Variants in GRK5 observed in about 807,000 individuals in gnomAD.
GRK5 encodes g protein-coupled receptor kinase GRK5.
In GRK5, 40 loss-of-function variants were observed where a neutral mutation model predicts 78.4. The ratio of observed to expected loss-of-function variants is 0.51; its 90% confidence interval spans 0.40 to 0.66. The LOEUF is 0.66. GRK5 is among the 30% of genes least tolerant of loss of function. The pLI, the probability that GRK5 is intolerant of heterozygous loss-of-function variation, is 0.00. For missense variants in GRK5, 598 were observed against 759.9 expected (o/e 0.79, Z 2.50); for synonymous variants, 289 against 296.8 (o/e 0.97, Z 0.27).
At chr10:119,376,007 C>G (rs959554922) in intron 2 of GRK5, among the ~76,000 whole-genome samples, 3 of 152,222 alleles carry the variant, frequency 2.0e-5, no homozygotes, top group Non-Finnish European at 2.9e-5. Context: ...CATTTTTGCT[C>G]TAAATTATTG....
In GRK5 at chr10:119,350,261, T is replaced by A. The variant is rs571672737; in HGVS notation, c.148+23650T>A. Among the ~76,000 whole-genome samples the A allele has an allele frequency of 3.9e-5, 6 of 152,298 alleles. No homozygotes were observed. In the South Asian group the frequency reaches 1.2e-3, roughly 32 times the overall value. On this transcript the variant is annotated intron_variant, in intron 2 of 15. Transcript: ENST00000392870. ...CCCAAGCAGCTACCGCCTACACCTG[T>A]CTTATTTTTTCAGTGCGGCATTTAG... is the stretch of plus-strand genomic sequence containing the variant.
intron 4 of GRK5, among the ~76,000 whole-genome samples, chr10:119,417,078 G>A (rs551171390): frequency 2.9e-4 from 44 of 152,222 alleles, no homozygotes; most frequent in Non-Finnish European, 6.0e-4. Flanking sequence ...CCTTGTGGAC[G>A]GCCTGCTTCA....
rs1415187098 is a variant in GRK5, at chr10:119,207,985, G to C, written c.52+16G>C. 1 of 1,600,682 alleles carries C rather than the reference G, an allele frequency of 6.2e-7. No homozygotes were observed. Among genetic ancestry groups the C allele is most frequent in the Non-Finnish European group, 8.5e-7 (1 of 1,174,744 alleles). ...GCCAGGGAAGGTAAGAGGCAGGGCC[G>C]GTACGTGCCCGGCGCGTCCGCCGCG... is the stretch of plus-strand genomic sequence containing the variant. On this transcript the variant is annotated intron_variant, in intron 1 of 15. Transcript: ENST00000392870.
rs774720604 is a variant in GRK5, at chr10:119,452,687, G to A, written c.1421G>A (p.Cys474Tyr). Residue 474 changes from cysteine to tyrosine, a missense_variant, in exon 14 of 16, where the codon TGT becomes TAT. Coordinates refer to ENST00000392870, the MANE Select transcript of GRK5 (RefSeq NM_005308.3). This position sits in a 1 kb window ranked among gnomAD's most constrained non-coding sequence, Gnocchi z 4.4. ...PFVPDPRAVY[C>Y]KDVLDIEQFS... Reference sequence around the variant, plus strand: ...CCCTGGCAGCCCCGCGCTGTGTACTGTAAGGACGTGCTGGACATCGAGCAG... The same window carrying A: ...CCCTGGCAGCCCCGCGCTGTGTACTATAAGGACGTGCTGGACATCGAGCAG... The A allele has an allele frequency of 1.2e-6, 2 of 1,614,122 alleles. No homozygotes were observed. Among genetic ancestry groups the A allele is most frequent in the South Asian group, 2.2e-5 (2 of 91,086 alleles).
At chr10:119,416,731 C>T (rs1281566511) in intron 4 of GRK5, among the ~76,000 whole-genome samples, 1 of 152,112 alleles carries the variant, frequency 6.6e-6, no homozygotes, top group Non-Finnish European at 1.5e-5. Flanking sequence ...GTAGCTGGGA[C>T]TACAGGCGCA....
intron 1 of GRK5, among the ~76,000 whole-genome samples, chr10:119,299,507 T>G (rs1055342394): frequency 6.6e-6 from 1 of 152,122 alleles, no homozygotes; most frequent in Non-Finnish European, 1.5e-5. Flanking sequence ...GAGCCTTAAG[T>G]TCATCTAACT....
intron 1 of GRK5, among the ~76,000 whole-genome samples, chr10:119,266,773 G>GTT (rs1254703830): frequency 1.9e-4 from 26 of 134,696 alleles, no homozygotes; most frequent in Admixed American, 4.5e-4. Context: ...GGGGGGAAGA[G>GTT]TTTTTTTTTT....
At chr10:119,300,729 C>G (rs752370268) in intron 1 of GRK5, among the ~76,000 whole-genome samples, 35 of 152,220 alleles carry the variant, frequency 2.3e-4, no homozygotes, top group South Asian at 1.0e-3. Context: ...ATATCTTGAC[C>G]TTGAGGTTTA....
At chr10:119,301,664 G>A (rs1301014674) in intron 1 of GRK5, among the ~76,000 whole-genome samples, 1 of 152,178 alleles carries the variant, frequency 6.6e-6, no homozygotes, top group Non-Finnish European at 1.5e-5. Context: ...TAGTCTTCCA[G>A]AAGCCCCTGG....
chr10:119,335,168 C>CTCTCTCTT (rs1850856259), intron 2 of GRK5, among the ~76,000 whole-genome samples: 3 of 142,906 alleles, frequency 2.1e-5, no homozygotes, highest in Non-Finnish European at 4.5e-5. Context: ...CTCTCTCTCT[C>CTCTCTCTT]TCTCTCTCCC....
chr10:119,396,299 T>C (rs1852052316), intron 3 of GRK5, among the ~76,000 whole-genome samples: 1 of 152,226 alleles, frequency 6.6e-6, no homozygotes, highest in African/African-American at 2.4e-5. Flanking sequence ...TGGGCTGTTA[T>C]TTTTCTGGTA....
At chr10:119,418,568 TGTCATCAGA>T (rs2133878880) in intron 4 of GRK5, among the ~76,000 whole-genome samples, 1 of 152,336 alleles carries the variant, frequency 6.6e-6, no homozygotes, top group Non-Finnish European at 1.5e-5. Flanking sequence ...TCACCCTGAC[TGTCATCAGA>T]GTGGACTCTG....
In GRK5 at chr10:119,443,651, A is replaced by G. The variant is rs1483743031; in HGVS notation, c.1165A>G (p.Lys389Glu). The G allele has an allele frequency of 3.1e-5, 50 of 1,613,532 alleles. No individual in the cohort carries two copies. The highest frequency in any genetic ancestry group is 4.2e-5 in the Non-Finnish European group (49 of 1,179,936). Reference sequence around the variant, plus strand: ...GGGCCAGTCGCCGTTCCGCGGCCGCAAGGAGAAGGTGAAGCGGGAGGAGGT... The same window carrying G: ...GGGCCAGTCGCCGTTCCGCGGCCGCGAGGAGAAGGTGAAGCGGGAGGAGGT... ...IEGQSPFRGR[K>E]EKVKREEVDR... is the part of the protein sequence containing the mutation. Residue 389 changes from lysine (K) to glutamate (E), a missense_variant, in exon 12 of 16, where the codon AAG (lysine) becomes GAG (glutamate). Coordinates refer to ENST00000392870, the MANE Select transcript of GRK5 (RefSeq NM_005308.3).
In GRK5 at chr10:119,423,188, T is replaced by C. The variant is rs1235194267; in HGVS notation, c.362T>C (p.Val121Ala). The change falls in exon 5 of 16, where the codon GTT becomes GCT. Residue 121 changes from valine to alanine, a missense_variant. Val to Ala is a moderately conservative substitution (Grantham distance 64, BLOSUM62 0). Transcript: ENST00000392870. ...TPKSPVFIAQ[V>A]GQDLVSQTEE... is the part of the protein sequence containing the mutation. ...CAGTCCCCTGTTTTCATAGCCCAAGTTGGCCAAGACCTGGTCTCCCAGACG... is the reference window on the plus strand; with the variant it reads ...CAGTCCCCTGTTTTCATAGCCCAAGCTGGCCAAGACCTGGTCTCCCAGACG... 1.3e-5 allele frequency: 21 copies of C among 1,613,830 alleles called. No individual in the cohort carries two copies. The highest frequency in any genetic ancestry group is 3.3e-5 in the Admixed American group (2 of 60,014).
chr10:119,243,236 C>G (rs537673739), intron 1 of GRK5, among the ~76,000 whole-genome samples: 3 of 152,204 alleles, frequency 2.0e-5, no homozygotes, highest in Non-Finnish European at 2.9e-5. Flanking sequence ...GACTCCATCT[C>G]AGAAAATGGA....
intron 9 of GRK5, among the ~76,000 whole-genome samples, chr10:119,438,909 G>A (rs1313468742): frequency 6.6e-6 from 1 of 152,220 alleles, no homozygotes; most frequent in African/African-American, 2.4e-5. Flanking sequence ...CTGGATTTGG[G>A]TACATTAACC....
At chr10:119,228,296 G>A (rs779187345) in intron 1 of GRK5, among the ~76,000 whole-genome samples, 24 of 151,938 alleles carry the variant, frequency 1.6e-4, no homozygotes, top group Admixed American at 3.9e-4. Context: ...AGTGAGCCAC[G>A]ATGGTGCCAG....
chr10:119,228,692 G>T (rs754387284), intron 1 of GRK5, among the ~76,000 whole-genome samples: 2 of 152,158 alleles, frequency 1.3e-5, no homozygotes, highest in Non-Finnish European at 2.9e-5. Flanking sequence ...AACATAGTGA[G>T]CAGGGGTTAG....
At position 119,255,206 on chromosome 10, in the gene GRK5, T is replaced by C. The variant is rs186109268; in HGVS notation, c.52+47237T>C. On this transcript the variant is annotated intron_variant, in intron 1 of 15. Coordinates refer to ENST00000392870, the MANE Select transcript of GRK5 (RefSeq NM_005308.3). ...GAGGAGAGAGAGCTGCTGGGAGAGA[T>C]AGGATCCAGGGAGGGGTGTGGCACA... 2.0e-5 allele frequency among the ~76,000 whole-genome samples: 3 copies of C among 151,976 alleles called. No homozygotes were observed. The East Asian group carries it at 5.8e-4, about 29-fold the overall frequency.
Sources: gnomAD v4.1 joint callset for allele counts (sites outside exome capture counted in the v4.1 genomes callset) on GRCh38, gnomAD v4.1.1 for gene constraint, Gnocchi (gnomAD v3.1) non-coding constraint, MANE v1.5 for transcripts, NCBI Gene and HGNC (gene_info 2026-07-23, HGNC 2026-07-21) for gene names.